SLC20A2: variants seen among roughly 807,000 people sequenced by gnomAD.
SLC20A2 encodes the protein sodium-dependent phosphate transporter 2.
In SLC20A2, 30 loss-of-function variants were observed where a neutral mutation model predicts 61.0. The ratio of observed to expected loss-of-function variants is 0.49; its 90% CI spans 0.37 to 0.67. SLC20A2 has a LOEUF of 0.67. Ranked by LOEUF, SLC20A2 falls within the 30% of genes least tolerant of loss-of-function variation. SLC20A2 has a pLI of 0.00. For synonymous variants in SLC20A2, 351 were observed against 353.3 expected, an observed-to-expected ratio of 0.99 and a Z score of 0.07; for missense variants, 626 against 866.4, an observed-to-expected ratio of 0.72 and a Z score of 3.48.
rs138903715 is a variant in SLC20A2 at position 42,435,795 on chromosome 8, C to T, written c.1523+1194G>A. Among the ~76,000 whole-genome samples, 1,519 of 152,218 alleles carry T rather than the reference C, an allele frequency of 1.0e-2. 21 individuals carry two copies. The highest frequency in any genetic ancestry group is 0.03 in the African/African-American group (1,235 of 41,546). On this transcript the variant is annotated intron_variant, in intron 8 of 10. Transcript: ENST00000520262. ...GGAGAACTAGGGCCCACGAGTGGGA[C>T]GGAGCCTTCTCACTGGGGTTGAAGA... is the stretch of plus-strand genomic sequence containing the variant.
At chr8:42,529,000 G>A (rs2131427017) in intron 1 of SLC20A2, among the ~76,000 whole-genome samples, 1 of 148,942 alleles carries the variant, frequency 6.7e-6, no homozygotes, top group African/African-American at 2.5e-5. Flanking sequence ...TTTGAGACAG[G>A]GTCTTACCCT....
intron 1 of SLC20A2, among the ~76,000 whole-genome samples, chr8:42,490,909 A>T (rs1318826814): frequency 2.6e-5 from 4 of 151,054 alleles, no homozygotes; most frequent in Non-Finnish European, 4.5e-5. Context: ...TTTATAACAG[A>T]TGAGCTCTTT....
At chr8:42,452,357 G>A (rs1805797455) in intron 5 of SLC20A2, among the ~76,000 whole-genome samples, 1 of 146,502 alleles carries the variant, frequency 6.8e-6, no homozygotes, top group African/African-American at 2.6e-5. Context: ...AATGGAGGAA[G>A]AGGAGGAAGA....
upstream of SLC20A2, chr8:42,502,229 G>A (rs570645392): frequency 2.6e-5 from 4 of 151,700 alleles, no homozygotes; most frequent in African/African-American, 9.7e-5. Flanking sequence ...ACCAACCCTG[G>A]ATCACCCCAT....
chr8:42,511,879 C>G (rs1373779869), intron 1 of SLC20A2, among the ~76,000 whole-genome samples: 1 of 151,888 alleles, frequency 6.6e-6, no homozygotes, highest in Non-Finnish European at 1.5e-5. Context: ...ACAAAAAACC[C>G]CACCAAAAAA....
At chr8:42,526,155 G>A (rs1489956183) in intron 1 of SLC20A2, among the ~76,000 whole-genome samples, 1 of 152,116 alleles carries the variant, frequency 6.6e-6, no homozygotes, top group African/African-American at 2.4e-5. Flanking sequence ...GAGTGACTAA[G>A]GTCAACATCA....
chr8:42,504,608 C>T (rs1057091237), upstream of SLC20A2, among the ~76,000 whole-genome samples: 27 of 151,930 alleles, frequency 1.8e-4, 1 homozygote, highest in East Asian at 5.0e-3. Context: ...CTGTGGGAGG[C>T]CGAGGTGGGT....
chr8:42,490,158 AG>A (rs1290742668), intron 1 of SLC20A2, among the ~76,000 whole-genome samples: 1 of 152,216 alleles, frequency 6.6e-6, no homozygotes, highest in Non-Finnish European at 1.5e-5. Flanking sequence ...TTGGTCACTG[AG>A]GATAATTTCT....
In SLC20A2 at chr8:42,526,368, AG is replaced by A. The variant is rs1811934765; in HGVS notation, c.-265+15452del. On this transcript the variant is annotated intron_variant, in intron 1 of 10. Transcript: ENST00000342228. ...GTCAAGGTCATTTAAAAAAAAAAAA[AG>A]AAGTCTTAGAAACATCACAGCCGGC... Among the ~76,000 whole-genome samples the A allele has an allele frequency of 4.6e-5, 7 of 151,910 alleles. No individual in the cohort carries two copies. In the South Asian group the frequency reaches 1.5e-3, roughly 32 times the overall value.
At chr8:42,497,726 T>G (rs1810029950) in intron 1 of SLC20A2, among the ~76,000 whole-genome samples, 1 of 151,916 alleles carries the variant, frequency 6.6e-6, no homozygotes, top group Non-Finnish European at 1.5e-5. Flanking sequence ...TTTTTTTTTT[T>G]TTTTGAGGTT....
intron 6 of SLC20A2, among the ~76,000 whole-genome samples, chr8:42,440,951 C>T (rs371012516): frequency 3.3e-5 from 5 of 152,092 alleles, no homozygotes; most frequent in African/African-American, 1.2e-4. Context: ...CAGGTGCGTG[C>T]CACCACGCCC....
At chr8:42,494,491 G>C (rs566625096) in intron 1 of SLC20A2, among the ~76,000 whole-genome samples, 1 of 152,262 alleles carries the variant, frequency 6.6e-6, no homozygotes, top group South Asian at 2.1e-4. Flanking sequence ...CCTAGAGATA[G>C]TTATTGCTCA....
At chr8:42,533,390 C>T (rs555858869) in intron 1 of SLC20A2, among the ~76,000 whole-genome samples, 51 of 152,080 alleles carry the variant, frequency 3.4e-4, no homozygotes, top group African/African-American at 1.1e-3. Flanking sequence ...CCCAGGCAGG[C>T]GCATCACTTG....
Position 42,437,615 on chromosome 8 carries a change from T to TA in SLC20A2, c.935-39_935-38insT. ...AGAGAAGGTCTCATTTTCCAGTCTT[T>TA]TTTTTTTTTTTCTTTTCTTTTTGAG... On this transcript the variant is annotated intron_variant, in intron 7 of 10. Transcript: ENST00000520262. This position sits in a 1 kb window ranked among gnomAD's most constrained non-coding sequence, Gnocchi z 6.4. The TA allele has an allele frequency of 6.8e-7, 1 of 1,472,894 alleles. No homozygotes were observed. The highest frequency in any genetic ancestry group is 2.0e-4 in the Middle Eastern group (1 of 5,040). 91.2% of individuals were successfully genotyped at this position (1,472,894 alleles called of 1,614,324 possible). A position where few individuals can be genotyped will look rare whatever the true frequency, so the allele number is the denominator to read the frequency against.
At chr8:42,525,581 CAAAAAAAAAAAAAAAA>C (rs34356863) in intron 1 of SLC20A2, among the ~76,000 whole-genome samples, 1 of 68,722 alleles carries the variant, frequency 1.5e-5, no homozygotes, top group Non-Finnish European at 2.7e-5. Context: ...GACTCTGTCT[CAAAAAAAAAAAAAAAA>C]AAAAAAAAGA....
intron 1 of SLC20A2, among the ~76,000 whole-genome samples, chr8:42,531,299 T>C (rs980207306): frequency 2.6e-5 from 4 of 152,286 alleles, no homozygotes; most frequent in African/African-American, 9.6e-5. Context: ...ATTAATGGAC[T>C]CTTAGCCATT....
intron 1 of SLC20A2, among the ~76,000 whole-genome samples, chr8:42,476,398 C>T (rs1316954391): frequency 2.6e-5 from 4 of 152,070 alleles, no homozygotes; most frequent in East Asian, 3.9e-4. Flanking sequence ...CCACCGTGCC[C>T]GGCCGGTTTA....
In SLC20A2 at chr8:42,521,059, C is replaced by T. The variant is rs1461266215; in HGVS notation, c.-265+20762G>A. ...CATTAGCATGTATATTCAAAAAAGC[C>T]TAATGTTCCATTTAAAAAAAATTTG... On this transcript the variant is annotated intron_variant, in intron 1 of 10. Transcript: ENST00000342228. Among the ~76,000 whole-genome samples the T allele has an allele frequency of 5.8e-5, 7 of 121,288 alleles. 2 individuals are homozygous for T. The highest frequency in any genetic ancestry group is 1.4e-4 in the Non-Finnish European group (7 of 50,494). 79.6% of individuals were successfully genotyped at this position (121,288 alleles called of 152,430 possible).
At chr8:42,487,951 A>G (rs77609209) in intron 1 of SLC20A2, among the ~76,000 whole-genome samples, 1 of 152,150 alleles carries the variant, frequency 6.6e-6, no homozygotes, top group Admixed American at 6.5e-5. Flanking sequence ...CTTAGTCTCT[A>G]TGAATCTCAC....
Sources: gnomAD v4.1 joint callset for allele counts (sites outside exome capture counted in the v4.1 genomes callset) on GRCh38, gnomAD v4.1.1 for gene constraint, Gnocchi (gnomAD v3.1) non-coding constraint, MANE v1.5 for transcripts, NCBI Gene and HGNC (gene_info 2026-07-23, HGNC 2026-07-21) for gene names.